The following IL1RAPL1 variants were observed in gnomAD, a reference collection of about 807,000 sequenced individuals.
The protein encoded by IL1RAPL1 is interleukin 1 receptor accessory protein like 1, also known as interleukin-1 receptor accessory protein-like 1.
Under a neutral mutation model 48.4 loss-of-function variants are expected in IL1RAPL1, and 3 were observed. The observed-to-expected ratio is 0.06, with a 90% CI of 0.03 to 0.16. IL1RAPL1 has a LOEUF of 0.16. Among genes scored for constraint, IL1RAPL1 ranks in the 10% least tolerant of loss-of-function variants. The probability of loss-of-function intolerance (pLI) is 1.00; values close to 1 mark genes in which losing one functional copy is unlikely to be tolerated. For synonymous variants in IL1RAPL1, 185 were observed against 187.7 expected, an observed-to-expected ratio of 0.99 and a Z score of 0.12; for missense variants, 349 against 530.6, an observed-to-expected ratio of 0.66 and a Z score of 3.36.
intron 3 of IL1RAPL1, among the ~76,000 whole-genome samples, chrX:29,351,354 T>C: frequency 8.9e-6 from 1 of 111,775 alleles, no homozygotes; most frequent in Middle Eastern, 4.6e-3. Context: ...ATTTATAGTT[T>C]ATTTATGCTC....
At chrX:29,854,511 G>A (rs748473906) in intron 6 of IL1RAPL1, among the ~76,000 whole-genome samples, 7 of 111,343 alleles carry the variant, frequency 6.3e-5, no homozygotes, top group East Asian at 2.8e-4. Flanking sequence ...CCACCTAGTC[G>A]TCAGAATTGA....
At chrX:29,189,447 C>T (rs1183379694) in intron 2 of IL1RAPL1, among the ~76,000 whole-genome samples, 1 of 111,070 alleles carries the variant, frequency 9.0e-6, no homozygotes, top group Non-Finnish European at 1.9e-5. Context: ...CCTCTTTTTC[C>T]TAGTTTTTCT....
At chrX:29,828,514 G>A (rs1930794396) in intron 6 of IL1RAPL1, among the ~76,000 whole-genome samples, 1 of 111,885 alleles carries the variant, frequency 8.9e-6, no homozygotes, top group Admixed American at 9.5e-5. Context: ...TGAATCATAT[G>A]TGGGATTGAG....
At chrX:29,289,357 C>A (rs1395806633) in intron 3 of IL1RAPL1, among the ~76,000 whole-genome samples, 1 of 111,999 alleles carries the variant, frequency 8.9e-6, no homozygotes, top group East Asian at 2.8e-4. Flanking sequence ...CATTGAATTG[C>A]TTTTGCATCT....
chrX:29,627,066 G>A (rs1242648830), intron 5 of IL1RAPL1, among the ~76,000 whole-genome samples: 1 of 111,931 alleles, frequency 8.9e-6, no homozygotes, highest in African/African-American at 3.2e-5. Flanking sequence ...ATAATTTTTG[G>A]GTCACTTCTG....
chrX:28,849,010 T>C (rs188351831), intron 2 of IL1RAPL1, among the ~76,000 whole-genome samples: 11 of 111,493 alleles, frequency 9.9e-5, no homozygotes, highest in Non-Finnish European at 2.1e-4. Flanking sequence ...CCTAAGCTGA[T>C]AGTATTATTG....
intron 6 of IL1RAPL1, among the ~76,000 whole-genome samples, chrX:29,913,513 G>A (rs989878099): frequency 1.9e-5 from 2 of 107,698 alleles, no homozygotes; most frequent in African/African-American, 6.8e-5. Flanking sequence ...CTTAATGTCT[G>A]GTTTAAGAGG....
At chrX:29,591,677 G>A (rs1923376117) in intron 5 of IL1RAPL1, among the ~76,000 whole-genome samples, 1 of 112,634 alleles carries the variant, frequency 8.9e-6, no homozygotes, top group Non-Finnish European at 1.9e-5. Context: ...TGAACCTTGG[G>A]GGAAGCCCTC....
intron 2 of IL1RAPL1, among the ~76,000 whole-genome samples, chrX:28,962,546 C>T (rs909712415): frequency 6.3e-5 from 7 of 110,902 alleles, no homozygotes; most frequent in African/African-American, 2.0e-4. Flanking sequence ...GCACAGAGAG[C>T]GCTCCTTATC....
At chrX:28,889,753 G>A (rs753613425) in intron 2 of IL1RAPL1, among the ~76,000 whole-genome samples, 3 of 111,033 alleles carry the variant, frequency 2.7e-5, no homozygotes, top group African/African-American at 9.8e-5. Flanking sequence ...CCTTTCTAAA[G>A]GAGGCATTGT....
At chrX:29,269,719 T>C (rs1932010941) in intron 2 of IL1RAPL1, among the ~76,000 whole-genome samples, 1 of 109,591 alleles carries the variant, frequency 9.1e-6, no homozygotes, top group Admixed American at 9.8e-5. Flanking sequence ...ACCTACATTC[T>C]ATTGTCAACC....
intron 5 of IL1RAPL1, among the ~76,000 whole-genome samples, chrX:29,610,899 T>C (rs1172191525): frequency 8.9e-6 from 1 of 112,071 alleles, no homozygotes; most frequent in Non-Finnish European, 1.9e-5. Flanking sequence ...AAGCTCTGAT[T>C]TTTTATCTTG....
intron 5 of IL1RAPL1, among the ~76,000 whole-genome samples, chrX:29,490,684 T>A (rs1602260938): frequency 1.8e-5 from 2 of 111,155 alleles, no homozygotes; most frequent in South Asian, 7.4e-4. Flanking sequence ...CCTTTTTCTT[T>A]TATTATTCTA....
At chrX:29,444,071 G>A (rs1376045958) in intron 5 of IL1RAPL1, among the ~76,000 whole-genome samples, 2 of 112,399 alleles carry the variant, frequency 1.8e-5, no homozygotes, top group African/African-American at 3.2e-5. Context: ...GCTGGGCGCC[G>A]TGGCTCACGC....
intron 6 of IL1RAPL1, among the ~76,000 whole-genome samples, chrX:29,789,840 T>C (rs2147161806): frequency 9.4e-6 from 1 of 106,777 alleles, no homozygotes; most frequent in African/African-American, 3.4e-5. Context: ...ACTATCTAGC[T>C]CATAATAAGA....
At chrX:28,688,394 A>G (rs1295613953) in intron 1 of IL1RAPL1, among the ~76,000 whole-genome samples, 2 of 110,170 alleles carry the variant, frequency 1.8e-5, no homozygotes. Context: ...TTTTGTAGAA[A>G]CAAGGTCTCC....
intron 3 of IL1RAPL1, among the ~76,000 whole-genome samples, chrX:29,354,013 A>G (rs906324082): frequency 3.6e-5 from 4 of 110,695 alleles, no homozygotes; most frequent in African/African-American, 1.3e-4. Flanking sequence ...CTCATAAAAA[A>G]TAAGCAAACA....
intron 5 of IL1RAPL1, among the ~76,000 whole-genome samples, chrX:29,623,438 T>G (rs1924527840): frequency 8.9e-6 from 1 of 112,004 alleles, no homozygotes; most frequent in African/African-American, 3.2e-5. Flanking sequence ...ATTTGTAAGA[T>G]CCCATTCACA....
At chrX:29,779,119 A>T (rs1929275693) in intron 6 of IL1RAPL1, among the ~76,000 whole-genome samples, 1 of 112,101 alleles carries the variant, frequency 8.9e-6, no homozygotes, top group African/African-American at 3.2e-5. Context: ...AACAGCCATG[A>T]TTTGAAGCTA....
Sources: gnomAD v4.1 joint callset for allele counts (sites outside exome capture counted in the v4.1 genomes callset) on GRCh38, gnomAD v4.1.1 for gene constraint, MANE v1.5 for transcripts, NCBI Gene and HGNC (gene_info 2026-07-23, HGNC 2026-07-21) for gene names.